EPSTI1: variants seen among roughly 807,000 people sequenced by gnomAD.
The protein encoded by EPSTI1 is epithelial stromal interaction 1.
A neutral mutation model predicts 49.9 loss-of-function variants in EPSTI1; 66 were observed. That is an observed-to-expected ratio of 1.32 (90% CI 1.08 to 1.62). EPSTI1 has a LOEUF of 1.62. EPSTI1 is among the 40% of genes most tolerant of loss of function. The pLI is 0.00. For missense variants in EPSTI1, 394 were observed against 365.5 expected (o/e 1.08, Z -0.64); for synonymous variants, 137 against 130.7 (o/e 1.05, Z -0.33).
At chr13:42,967,289 T>TAAAA (rs747737457) in intron 3 of EPSTI1, among the ~76,000 whole-genome samples, 5 of 28,542 alleles carry the variant, frequency 1.8e-4, no homozygotes, top group Non-Finnish European at 2.3e-4. Flanking sequence ...AAAAATAAAT[T>TAAAA]AAAAAAAAAA....
At chr13:42,971,667 T>C (rs948410545) in intron 1 of EPSTI1, among the ~76,000 whole-genome samples, 2 of 152,196 alleles carry the variant, frequency 1.3e-5, no homozygotes, top group African/African-American at 4.8e-5. Context: ...TCTACCTGAA[T>C]ACACAATTTC....
intron 1 of EPSTI1, among the ~76,000 whole-genome samples, chr13:42,971,324 G>A (rs972249708): frequency 2.6e-5 from 4 of 152,224 alleles, no homozygotes; most frequent in African/African-American, 9.6e-5. Flanking sequence ...GGCAGAGAGT[G>A]TGCTTGATTG....
chr13:42,988,023 A>T (rs759022473), intron 1 of EPSTI1, among the ~76,000 whole-genome samples: 3 of 152,208 alleles, frequency 2.0e-5, no homozygotes, highest in Non-Finnish European at 4.4e-5. Flanking sequence ...TGTAAAATAA[A>T]ATTCCATATT....
At chr13:42,940,737 A>C (rs991977428) in intron 6 of EPSTI1, among the ~76,000 whole-genome samples, 1 of 152,180 alleles carries the variant, frequency 6.6e-6, no homozygotes, top group Admixed American at 6.5e-5. Context: ...CCACACCTGA[A>C]TCATGCTCAT....
At chr13:42,984,114 G>C (rs2040037107) in intron 1 of EPSTI1, among the ~76,000 whole-genome samples, 1 of 152,152 alleles carries the variant, frequency 6.6e-6, no homozygotes, top group Non-Finnish European at 1.5e-5. Context: ...CTGCATGCTA[G>C]AGATTGACTT....
intron 5 of EPSTI1, among the ~76,000 whole-genome samples, chr13:42,962,517 C>A (rs957424172): frequency 6.6e-6 from 1 of 152,018 alleles, no homozygotes. Context: ...TTCCTGTAAT[C>A]CCAGCACTTT....
intron 1 of EPSTI1, among the ~76,000 whole-genome samples, chr13:42,987,162 T>TA (rs777750163): frequency 6.6e-6 from 1 of 152,118 alleles, no homozygotes; most frequent in Non-Finnish European, 1.5e-5. Flanking sequence ...TGGGTAGACA[T>TA]ACAGGTAGCC....
chr13:42,957,465 G>GT (rs527773955), intron 5 of EPSTI1, among the ~76,000 whole-genome samples: 12 of 152,240 alleles, frequency 7.9e-5, no homozygotes, highest in Non-Finnish European at 1.6e-4. Flanking sequence ...ATGGGATCTG[G>GT]TAAGCATCAA....
intron 1 of EPSTI1, among the ~76,000 whole-genome samples, chr13:42,976,816 C>G (rs1281619673): frequency 6.6e-6 from 1 of 152,226 alleles, no homozygotes; most frequent in African/African-American, 2.4e-5. Context: ...TCCCACCTCT[C>G]AAACACCACA....
chr13:42,973,600 G>A (rs781598468), intron 1 of EPSTI1, among the ~76,000 whole-genome samples: 1 of 152,196 alleles, frequency 6.6e-6, no homozygotes, highest in South Asian at 2.1e-4. Flanking sequence ...ATGTGTCAGA[G>A]TGTAATGCCT....
intron 8 of EPSTI1, among the ~76,000 whole-genome samples, chr13:42,906,837 GTTTTTAA>G (rs923245797): frequency 4.6e-5 from 7 of 151,542 alleles, no homozygotes; most frequent in Admixed American, 4.6e-4. Flanking sequence ...CCTTACTATT[GTTTTTAA>G]TTTTTAATTT....
intron 6 of EPSTI1, among the ~76,000 whole-genome samples, chr13:42,928,573 A>T (rs1462757241): frequency 6.6e-6 from 1 of 152,216 alleles, no homozygotes; most frequent in Non-Finnish European, 1.5e-5. Context: ...TCTCCATAGA[A>T]CAAAATAAAA....
chr13:42,955,860 G>C (rs1375892358), intron 5 of EPSTI1, among the ~76,000 whole-genome samples: 2 of 105,344 alleles, frequency 1.9e-5, no homozygotes, highest in Non-Finnish European at 3.8e-5. Flanking sequence ...GAAGTTGATA[G>C]TTGATGAAGA....
chr13:42,937,416 A>G (rs1448052690), intron 6 of EPSTI1, among the ~76,000 whole-genome samples: 1 of 152,226 alleles, frequency 6.6e-6, no homozygotes, highest in Non-Finnish European at 1.5e-5. Context: ...TGTGTGTAGC[A>G]TGCAATGCCG....
chr13:42,930,255 T>C (rs529135759), intron 6 of EPSTI1, among the ~76,000 whole-genome samples: 7 of 152,250 alleles, frequency 4.6e-5, no homozygotes, highest in Non-Finnish European at 1.0e-4. Flanking sequence ...TTCACAAACC[T>C]GAACTTTGCC....
At chr13:42,935,385 C>A (rs1353328920) in intron 6 of EPSTI1, among the ~76,000 whole-genome samples, 1 of 152,164 alleles carries the variant, frequency 6.6e-6, no homozygotes, top group East Asian at 1.9e-4. Flanking sequence ...AAATCTCAAA[C>A]CTAGATCAAG....
intron 6 of EPSTI1, 32 bp downstream of exon 6, chr13:42,953,915 TA>T: frequency 6.3e-7 from 1 of 1,580,940 alleles, no homozygotes. Flanking sequence ...AATCTGCCTA[TA>T]AAGGCACGAA....
chr13:42,968,188 G>A (rs964008129), intron 3 of EPSTI1, among the ~76,000 whole-genome samples: 1 of 152,120 alleles, frequency 6.6e-6, no homozygotes, highest in African/African-American at 2.4e-5. Flanking sequence ...TGTACCCTTC[G>A]AGTCTGGCTC....
At chr13:42,890,689 T>G (rs1258536208) in intron 10 of EPSTI1, among the ~76,000 whole-genome samples, 2 of 152,140 alleles carry the variant, frequency 1.3e-5, no homozygotes, top group Non-Finnish European at 2.9e-5. Context: ...AGAAATGTAG[T>G]TTTTACATAT....
Sources: gnomAD v4.1 joint callset for allele counts (sites outside exome capture counted in the v4.1 genomes callset) on GRCh38, gnomAD v4.1.1 for gene constraint, MANE v1.5 for transcripts, NCBI Gene and HGNC (gene_info 2026-07-23, HGNC 2026-07-21) for gene names.